Variants in CACNB2 observed in about 807,000 individuals in gnomAD.
CACNB2 encodes the protein voltage-dependent L-type calcium channel subunit beta-2.
Under a neutral mutation model 73.3 loss-of-function variants are expected in CACNB2, and 42 were observed. The ratio of observed to expected loss-of-function variants is 0.57; its 90% CI spans 0.45 to 0.74. CACNB2 has a LOEUF of 0.74. CACNB2 is among the 30% of genes least tolerant of loss of function. The pLI is 0.00. For missense variants in CACNB2, 940 were observed against 853.0 expected (o/e 1.10, Z -1.27); for synonymous variants, 348 against 310.3 (o/e 1.12, Z -1.28).
chr10:18,424,143 AG>A (rs1227639729), intron 3 of CACNB2, among the ~76,000 whole-genome samples: 1 of 152,112 alleles, frequency 6.6e-6, no homozygotes, highest in African/African-American at 2.4e-5. Flanking sequence ...CCTGATTCAG[AG>A]CAGAGATGCC....
At position 18,370,420 on chromosome 10, in the gene CACNB2, C is replaced by A. The variant is rs560915709; in HGVS notation, c.214-31504C>A. On this transcript the variant is annotated intron_variant, in intron 2 of 13. Transcript: ENST00000324631. Reference sequence around the variant, plus strand: ...TCAAGTGGTTCTCTTGCCTCAGCCTCCCCAGTAGCTGGAACCACAGACATG... The same window carrying A: ...TCAAGTGGTTCTCTTGCCTCAGCCTACCCAGTAGCTGGAACCACAGACATG... Among the ~76,000 whole-genome samples the A allele has an allele frequency of 2.0e-5, 3 of 152,344 alleles. No homozygotes were observed. The South Asian group carries it at 6.2e-4, about 32-fold the overall frequency.
At chr10:18,536,352 G>A (rs887373662) in intron 12 of CACNB2, among the ~76,000 whole-genome samples, 156 bp downstream of exon 12, 6 of 140,026 alleles carry the variant, frequency 4.3e-5, no homozygotes, top group East Asian at 2.2e-4. Flanking sequence ...CTGAACTCCC[G>A]GGCTCAAGTG....
chr10:18,180,935 C>T (rs1207764452), intron 2 of CACNB2, among the ~76,000 whole-genome samples: 1 of 151,896 alleles, frequency 6.6e-6, no homozygotes, highest in Non-Finnish European at 1.5e-5. Context: ...CACTGCACTC[C>T]AGCCTGGGCA....
At chr10:18,328,792 G>A (rs2040683363) in intron 2 of CACNB2, among the ~76,000 whole-genome samples, 1 of 152,192 alleles carries the variant, frequency 6.6e-6, no homozygotes, top group Non-Finnish European at 1.5e-5. Flanking sequence ...AGCTATTTGT[G>A]TGAACCAAAC....
chr10:18,309,446 A>T (rs186160727), intron 2 of CACNB2, among the ~76,000 whole-genome samples: 4 of 152,150 alleles, frequency 2.6e-5, no homozygotes. Flanking sequence ...TCTTCAGAAA[A>T]TGTGGATTTT....
chr10:18,422,765 C>A (rs2045395568), intron 3 of CACNB2, among the ~76,000 whole-genome samples: 1 of 152,148 alleles, frequency 6.6e-6, no homozygotes, highest in African/African-American at 2.4e-5. Flanking sequence ...AATGGCGGAT[C>A]TCAGCTCACT....
At chr10:18,499,320 G>A (rs150897395) in intron 4 of CACNB2, among the ~76,000 whole-genome samples, 31 of 152,192 alleles carry the variant, frequency 2.0e-4, no homozygotes, top group African/African-American at 5.8e-4. Flanking sequence ...GATAACTGCC[G>A]ATTAAAAGAA....
At chr10:18,249,954 G>T (rs1016203874) in intron 2 of CACNB2, among the ~76,000 whole-genome samples, 4 of 152,092 alleles carry the variant, frequency 2.6e-5, no homozygotes, top group Admixed American at 6.6e-5. Context: ...TCATGTGAAT[G>T]GTTGCTCAGC....
intron 2 of CACNB2, among the ~76,000 whole-genome samples, chr10:18,382,067 G>A (rs7908976): frequency 0.31 from 47,436 of 151,860 alleles, 7,682 homozygotes; most frequent in African/African-American, 0.31. Flanking sequence ...AAAATTAAAT[G>A]TGTTATAAAT....
intron 5 of CACNB2, 43 bp downstream of exon 5, chr10:18,500,991 A>T (rs1378864973): frequency 1.3e-6 from 2 of 1,576,950 alleles, no homozygotes; most frequent in Non-Finnish European, 1.7e-6. Flanking sequence ...CTTAGATTAT[A>T]CCACTATCTG....
chr10:18,204,700 G>A (rs2035018858), intron 2 of CACNB2, among the ~76,000 whole-genome samples: 1 of 152,130 alleles, frequency 6.6e-6, no homozygotes, highest in African/African-American at 2.4e-5. Context: ...GCTCTGCGAG[G>A]GCAAGTACAC....
intron 2 of CACNB2, among the ~76,000 whole-genome samples, chr10:18,316,808 A>G (rs2040204490): frequency 6.6e-6 from 1 of 152,150 alleles, no homozygotes; most frequent in African/African-American, 2.4e-5. Flanking sequence ...AGAATAAATA[A>G]GTGGCTTCCT....
At chr10:18,142,615 A>G (rs1406761668) in intron 1 of CACNB2, among the ~76,000 whole-genome samples, 2 of 152,192 alleles carry the variant, frequency 1.3e-5, no homozygotes, top group African/African-American at 4.8e-5. Flanking sequence ...AAAAGTTTTT[A>G]TTCTTATGAT....
rs975359981 is a variant in CACNB2 at position 18,514,770 on chromosome 10, G to C, written c.804+401G>C. Among the ~76,000 whole-genome samples, 6 of 152,152 alleles carry C rather than the reference G, an allele frequency of 3.9e-5. No individual in the cohort carries two copies. In the East Asian group the frequency reaches 1.2e-3, roughly 29 times the overall value. Reference sequence around the variant, plus strand: ...CCAAGGGAATTTGTTTCAACATTCAGGGATGTCAAACACTGACAGCTCCAC... The same window carrying C: ...CCAAGGGAATTTGTTTCAACATTCACGGATGTCAAACACTGACAGCTCCAC... On this transcript the variant is annotated intron_variant, in intron 7 of 13. Coordinates refer to ENST00000324631, the MANE Select transcript of CACNB2 (RefSeq NM_201596.3).
chr10:18,142,114 T>A (rs2030476976), intron 1 of CACNB2, among the ~76,000 whole-genome samples: 1 of 152,232 alleles, frequency 6.6e-6, no homozygotes, highest in African/African-American at 2.4e-5. Context: ...TCTAGATATT[T>A]TGATATTGTA....
Position 18,234,749 on chromosome 10 carries a change from C to G in CACNB2, c.213+83774C>G, listed in dbSNP as rs532747106. Among the ~76,000 whole-genome samples the G allele has an allele frequency of 7.2e-4, 110 of 152,200 alleles. 1 individual carries two copies. The highest frequency in any genetic ancestry group is 3.4e-3 in the Middle Eastern group (1 of 294). ...AAGATGAATGATTGTTCCATGAGTACGGAGTTCAGTTTGGGATGCTGAAAA... is the reference window on the plus strand; with the variant it reads ...AAGATGAATGATTGTTCCATGAGTAGGGAGTTCAGTTTGGGATGCTGAAAA... On this transcript the variant is annotated intron_variant, in intron 2 of 13. Coordinates refer to ENST00000324631, the MANE Select transcript of CACNB2 (RefSeq NM_201596.3).
intron 3 of CACNB2, among the ~76,000 whole-genome samples, chr10:18,449,822 T>C (rs138838813): frequency 9.9e-5 from 15 of 151,922 alleles, no homozygotes; most frequent in Non-Finnish European, 2.1e-4. Flanking sequence ...GTTCCCAGAG[T>C]GGCACTGTAT....
intron 3 of CACNB2, among the ~76,000 whole-genome samples, chr10:18,442,373 C>T (rs191694438): frequency 1.3e-5 from 2 of 151,978 alleles, no homozygotes; most frequent in African/African-American, 4.8e-5. Flanking sequence ...TGGTCTTAAA[C>T]CCCTGACCTC....
chr10:18,530,704 T>C (rs1425391895), intron 10 of CACNB2, among the ~76,000 whole-genome samples: 1 of 152,152 alleles, frequency 6.6e-6, no homozygotes, highest in Non-Finnish European at 1.5e-5. Context: ...AGTTGAAAAA[T>C]CTTTAAGTCA....
Sources: gnomAD v4.1 joint callset for allele counts (sites outside exome capture counted in the v4.1 genomes callset) on GRCh38, gnomAD v4.1.1 for gene constraint, MANE v1.5 for transcripts, NCBI Gene and HGNC (gene_info 2026-07-23, HGNC 2026-07-21) for gene names.